Variants in MAGI1 observed in about 807,000 individuals in gnomAD.
MAGI1 encodes the protein membrane-associated guanylate kinase, WW and PDZ domain-containing protein 1.
In MAGI1, 58 loss-of-function variants were observed where a neutral mutation model predicts 139.9. That is an observed-to-expected ratio of 0.41 (90% CI 0.34 to 0.52). MAGI1 has a LOEUF of 0.52. Ranked by LOEUF, MAGI1 falls within the 20% of genes least tolerant of loss-of-function variation. MAGI1 has a pLI of 0.12. For synonymous variants in MAGI1, 812 were observed against 737.9 expected, an observed-to-expected ratio of 1.10 and a Z score of -1.63; for missense variants, 1,874 against 1,901.6, an observed-to-expected ratio of 0.99 and a Z score of 0.27.
At chr3:65,797,026 A>G (rs2040192002) in intron 1 of MAGI1, among the ~76,000 whole-genome samples, 1 of 152,060 alleles carries the variant, frequency 6.6e-6, no homozygotes, top group Non-Finnish European at 1.5e-5. Context: ...TTTTTTTCCA[A>G]CAGCATTTAC....
chr3:65,396,071 G>C (rs536981130), intron 13 of MAGI1, among the ~76,000 whole-genome samples: 1 of 152,274 alleles, frequency 6.6e-6, no homozygotes, highest in South Asian at 2.1e-4. Context: ...AGACTGAATG[G>C]AGGAGGCTTA....
At chr3:65,759,760 G>A (rs264096) in intron 1 of MAGI1, among the ~76,000 whole-genome samples, 131,778 of 152,210 alleles carry the variant, frequency 0.87, 57,400 homozygotes, top group African/African-American at 0.96. Flanking sequence ...TTGAATGTGA[G>A]ATGTGTTCCA....
At chr3:65,779,946 T>A (rs2038794520) in intron 1 of MAGI1, among the ~76,000 whole-genome samples, 1 of 150,164 alleles carries the variant, frequency 6.7e-6, no homozygotes, top group African/African-American at 2.4e-5. Context: ...TGTAACACAG[T>A]CCTTAGTTTC....
chr3:65,977,485 T>TG (rs985393786), intron 1 of MAGI1, among the ~76,000 whole-genome samples: 1 of 152,050 alleles, frequency 6.6e-6, no homozygotes, highest in Non-Finnish European at 1.5e-5. Context: ...CCAAGGCAGG[T>TG]GGATCACCTG....
chr3:65,361,055 C>T lies in MAGI1; in HGVS notation c.3634+144G>A, dbSNP rs541892226. The T allele has an allele frequency of 1.0e-4, 157 of 1,540,110 alleles. No individual in the cohort carries two copies. The Middle Eastern group carries it at 1.2e-3, about 12-fold the overall frequency. On this transcript the variant is annotated intron_variant, in intron 22 of 22. Transcript: ENST00000402939. ...AAATGTGTAGAGATTTCAGAACAAG[C>T]GAGGCAAATAATCACATGGTGCGAG... is the stretch of plus-strand genomic sequence containing the variant.
chr3:65,682,113 G>A (rs373508244), intron 1 of MAGI1, among the ~76,000 whole-genome samples: 23 of 152,246 alleles, frequency 1.5e-4, no homozygotes, highest in African/African-American at 4.8e-4. Context: ...CCCTGGAAAA[G>A]GGGAATTTAT....
chr3:65,786,404 T>C (rs2039383825), intron 1 of MAGI1, among the ~76,000 whole-genome samples: 2 of 151,830 alleles, frequency 1.3e-5, no homozygotes, highest in Non-Finnish European at 2.9e-5. Flanking sequence ...CCTCCTAGTC[T>C]CAAGTGATCC....
At chr3:65,401,577 T>TC in intron 12 of MAGI1, 107 bp from the exon 13 acceptor site, 1 of 1,554,784 alleles carries the variant, frequency 6.4e-7, no homozygotes, top group Non-Finnish European at 8.7e-7. Flanking sequence ...AACCTAGCCA[T>TC]CTGCAGAGTT....
chr3:65,434,120 T>TA (rs1194148431), intron 10 of MAGI1, among the ~76,000 whole-genome samples: 1 of 152,200 alleles, frequency 6.6e-6, no homozygotes, highest in Non-Finnish European at 1.5e-5. Context: ...AAACAGAAGT[T>TA]AAACTATTCC....
In MAGI1 at chr3:65,945,112, T is replaced by A. The variant is rs141840333; in HGVS notation, c.313+92884A>T. Among the ~76,000 whole-genome samples the A allele has an allele frequency of 4.2e-3, 647 of 152,262 alleles. 5 individuals are homozygous for A. The highest frequency in any genetic ancestry group is 0.014 in the African/African-American group (590 of 41,548). On this transcript the variant is annotated intron_variant, in intron 1 of 22. Transcript: ENST00000402939. ...AATCTGGGAGCACCAATGGATCTGG[T>A]GGGGAAGCCCTTTTTAAAATGCAGA...
At chr3:65,627,763 C>A (rs2107124191) in intron 1 of MAGI1, among the ~76,000 whole-genome samples, 1 of 151,922 alleles carries the variant, frequency 6.6e-6, no homozygotes, top group Admixed American at 6.6e-5. Flanking sequence ...ACCTTGGCCT[C>A]CTGAAGTGCT....
intron 1 of MAGI1, among the ~76,000 whole-genome samples, chr3:65,941,912 C>G (rs1450416325): frequency 6.6e-6 from 1 of 152,172 alleles, no homozygotes; most frequent in Non-Finnish European, 1.5e-5. Flanking sequence ...CCACCTCAGC[C>G]TCCTGAAGCT....
At chr3:65,736,852 A>G (rs1273873300) in intron 1 of MAGI1, among the ~76,000 whole-genome samples, 3 of 152,204 alleles carry the variant, frequency 2.0e-5, no homozygotes, top group African/African-American at 7.2e-5. Flanking sequence ...TTTACCAGCT[A>G]CCTGGGAATC....
At chr3:65,546,594 A>T (rs1470474360) in intron 2 of MAGI1, among the ~76,000 whole-genome samples, 1 of 152,234 alleles carries the variant, frequency 6.6e-6, no homozygotes, top group Non-Finnish European at 1.5e-5. Context: ...ATAAAACCAC[A>T]TCAGAGAAGA....
chr3:65,719,667 T>C (rs1473436838), intron 1 of MAGI1, among the ~76,000 whole-genome samples: 1 of 151,612 alleles, frequency 6.6e-6, no homozygotes, highest in Admixed American at 6.6e-5. Flanking sequence ...CACCTCAGCC[T>C]CCCAAGTACC....
chr3:65,491,091 T>G (rs929552032), intron 3 of MAGI1, among the ~76,000 whole-genome samples: 1 of 152,110 alleles, frequency 6.6e-6, no homozygotes, highest in African/African-American at 2.4e-5. Context: ...ACCAGGAAGT[T>G]AGCTTCAAGT....
At chr3:65,401,382 A>ACCC in intron 13 of MAGI1, 57 bp downstream of exon 13, 2 of 404,304 alleles carry the variant, frequency 4.9e-6, no homozygotes, top group Admixed American at 4.0e-5. Context: ...TCCCACCTCC[A>ACCC]GCCCCCCACC....
At chr3:66,011,946 G>A (rs545592785) in intron 1 of MAGI1, among the ~76,000 whole-genome samples, 30 of 151,760 alleles carry the variant, frequency 2.0e-4, no homozygotes, top group African/African-American at 5.6e-4. Context: ...CAATTCTAGC[G>A]AAAAAAATGA....
intron 1 of MAGI1, among the ~76,000 whole-genome samples, chr3:65,688,797 T>TAG (rs2088302853): frequency 6.6e-6 from 1 of 152,132 alleles, no homozygotes; most frequent in Admixed American, 6.5e-5. Context: ...AACTAATACT[T>TAG]AGCAGGATGA....
Sources: gnomAD v4.1 joint callset for allele counts (sites outside exome capture counted in the v4.1 genomes callset) on GRCh38, gnomAD v4.1.1 for gene constraint, MANE v1.5 for transcripts, NCBI Gene and HGNC (gene_info 2026-07-23, HGNC 2026-07-21) for gene names.